Variants in PRAMEF20 observed in about 807,000 individuals in gnomAD.
The protein encoded by PRAMEF20 is PRAME family member 20/21.
PRAMEF20 carries 27 observed loss-of-function variants against 32.4 expected under a neutral mutation model. That is an observed-to-expected ratio of 0.83 (90% CI 0.61 to 1.15). The LOEUF (loss-of-function observed/expected upper bound fraction) is 1.15. Among genes scored for constraint, PRAMEF20 ranks in the 50% most tolerant of loss-of-function variants. The pLI is 0.00. For synonymous variants in PRAMEF20, 256 were observed against 235.4 expected (o/e 1.09, Z -0.80); for missense variants, 604 against 584.5 (o/e 1.03, Z -0.34).
upstream of PRAMEF20, among the ~76,000 whole-genome samples, chr1:13,412,615 C>A (rs1055792921): frequency 2.0e-5 from 3 of 151,874 alleles, no homozygotes; most frequent in African/African-American, 7.3e-5. Context: ...TCAGCCCCAC[C>A]CTGCCCGGCT....
chr1:13,418,675 G>A (rs1462139109), exon 2 of PRAMEF20: 27 of 1,613,610 alleles, frequency 1.7e-5, no homozygotes, highest in South Asian at 2.2e-5. Flanking sequence ...TTCTTTCCTC[G>A]AAGGCCACCT....
At chr1:13,416,464 C>T (rs1641173847) in exon 1 of PRAMEF20, 8 of 1,614,062 alleles carry the variant, frequency 5.0e-6, no homozygotes, top group Non-Finnish European at 5.9e-6. Flanking sequence ...GAACTTTTTC[C>T]CCCATTGTTC....
chr1:13,420,921 C>T, exon 3 of PRAMEF20: 3 of 1,613,802 alleles, frequency 1.9e-6, no homozygotes, highest in Non-Finnish European at 2.5e-6. Context: ...ATCGTAGACT[C>T]CCAAGTCAAC....
upstream of PRAMEF20, among the ~76,000 whole-genome samples, chr1:13,412,454 A>G (rs974418473): frequency 9.9e-5 from 15 of 152,104 alleles, no homozygotes; most frequent in African/African-American, 3.4e-4. Flanking sequence ...CAGATTCTAC[A>G]TCTTCTCTTT....
At chr1:13,416,867 G>A (rs1039537266) in intron 1 of PRAMEF20, among the ~76,000 whole-genome samples, 1 of 152,206 alleles carries the variant, frequency 6.6e-6, no homozygotes, top group Non-Finnish European at 1.5e-5. Flanking sequence ...GGCACTGAAA[G>A]GCACCACTAA....
chr1:13,418,400 G>C, exon 2 of PRAMEF20: 1 of 1,613,874 alleles, frequency 6.2e-7, no homozygotes, highest in Non-Finnish European at 8.5e-7. Flanking sequence ...AAAATGTTGG[G>C]AATGCTCTTC....
upstream of PRAMEF20, among the ~76,000 whole-genome samples, chr1:13,415,861 A>C (rs1022942748): frequency 6.6e-6 from 1 of 151,970 alleles, no homozygotes; most frequent in African/African-American, 2.4e-5. Context: ...GGGAGAGAGA[A>C]AGAGAAAGAA....
the PRAMEF20 span, among the ~76,000 whole-genome samples, chr1:13,411,108 T>C: frequency 1.3e-5 from 2 of 152,210 alleles, no homozygotes; most frequent in South Asian, 4.1e-4. Context: ...TCCACCCACC[T>C]TGGCCTCCCA....
chr1:13,414,208 A>ATTTTTTTTTTTTTTTTT (rs149194621), upstream of PRAMEF20, among the ~76,000 whole-genome samples: 4 of 123,280 alleles, frequency 3.2e-5, no homozygotes, highest in Non-Finnish European at 6.6e-5. Flanking sequence ...CACCTGACTA[A>ATTTTTTTTTTTTTTTTT]TTTTTTTTTT....
rs1048436870 is a variant in PRAMEF20, at chr1:13,420,811, G to A, written c.981G>A (p.Leu327=). 3.7e-6 allele frequency: 6 copies of A among 1,613,838 alleles called. No individual in the cohort carries two copies. In the African/African-American group the frequency reaches 5.3e-5, roughly 14 times the overall value. ...TTGGTCAACTAAAGACCCTGGACCTGAGTGGCACCAGACTGGCCAATTTCA... is the reference window on the plus strand; with the variant it reads ...TTGGTCAACTAAAGACCCTGGACCTAAGTGGCACCAGACTGGCCAATTTCA... Residue 327 remains leucine (L), a synonymous_variant, in exon 3 of 3, where the codon CTG becomes CTA. Transcript: ENST00000602960.
At chr1:13,421,164 G>A (rs1641239573) in exon 3 of PRAMEF20, 1 of 1,613,782 alleles carries the variant, frequency 6.2e-7, no homozygotes, top group Non-Finnish European at 8.5e-7. Flanking sequence ...AGGGCCTTAA[G>A]GGAGCCCGAG....
chr1:13,421,061 C>T (rs1641237924), exon 3 of PRAMEF20: 2 of 1,613,970 alleles, frequency 1.2e-6, no homozygotes, highest in Non-Finnish European at 1.7e-6. Context: ...ATGCCTGGAG[C>T]TGTATCCTGC....
exon 3 of PRAMEF20, chr1:13,421,185 T>G: frequency 6.2e-7 from 1 of 1,613,894 alleles, no homozygotes; most frequent in Non-Finnish European, 8.5e-7. Flanking sequence ...AGGATCTTGT[T>G]CTGTACCGAC....
exon 3 of PRAMEF20, chr1:13,421,194 A>G (rs1375220660): frequency 6.2e-7 from 1 of 1,613,796 alleles, no homozygotes; most frequent in Admixed American, 1.7e-5. Context: ...TTCTGTACCG[A>G]CTACTGCCCT....
chr1:13,418,738 C>T, intron 2 of PRAMEF20, 38 bp downstream of exon 3: 2 of 1,611,580 alleles, frequency 1.2e-6, no homozygotes, highest in Non-Finnish European at 1.7e-6. Flanking sequence ...CAGACCACAG[C>T]AGAGCCTTTC....
At chr1:13,414,129 ACT>A (rs1443501764), upstream of PRAMEF20, among the ~76,000 whole-genome samples, 1 of 146,966 alleles carries the variant, frequency 6.8e-6, no homozygotes, top group Non-Finnish European at 1.5e-5. Context: ...GCAACCTCCG[ACT>A]CTCTGGTTCA....
At chr1:13,411,337 C>T in the PRAMEF20 span, among the ~76,000 whole-genome samples, 1 of 151,852 alleles carries the variant, frequency 6.6e-6, no homozygotes, top group Admixed American at 6.6e-5. Context: ...GGCCCCCTCC[C>T]CCCCACCGCC....
At chr1:13,413,171 T>A (rs376285249), upstream of PRAMEF20, among the ~76,000 whole-genome samples, 1 of 150,996 alleles carries the variant, frequency 6.6e-6, no homozygotes. Flanking sequence ...AGGAAGGACA[T>A]ATATTAGTAA....
the PRAMEF20 span, among the ~76,000 whole-genome samples, chr1:13,411,315 G>C: frequency 1.2e-4 from 18 of 152,254 alleles, no homozygotes; most frequent in East Asian, 2.9e-3. Flanking sequence ...CTGGGCAACA[G>C]AGTGAGACTC....
Sources: allele counts gnomAD v4.1 joint callset (sites outside exome capture counted in the v4.1 genomes callset), GRCh38; gene constraint gnomAD v4.1.1; transcripts MANE v1.5; gene names NCBI Gene and HGNC (gene_info 2026-07-23, HGNC 2026-07-21).